Variants in UGT1A7 observed in about 807,000 individuals in gnomAD.
The protein encoded by UGT1A7 is UDP-glucuronosyltransferase 1A7.
Under a neutral mutation model 45.6 loss-of-function variants are expected in UGT1A7, and 33 were observed. That is an observed-to-expected ratio of 0.72 (90% CI 0.55 to 0.97). The LOEUF is 0.97. Ranked by LOEUF, UGT1A7 falls within the 50% of genes least tolerant of loss-of-function variation. The probability of loss-of-function intolerance (pLI) is 0.00; values close to 1 mark genes in which losing one functional copy is unlikely to be tolerated. For synonymous variants in UGT1A7, 274 were observed against 250.6 expected, an observed-to-expected ratio of 1.09 and a Z score of -0.88; for missense variants, 684 against 666.2, an observed-to-expected ratio of 1.03 and a Z score of -0.29.
rs371244037 is a variant in UGT1A7, at chr2:233,706,612, A to G, written c.855+23820A>G. 1.1e-4 allele frequency among the ~76,000 whole-genome samples: 16 copies of G among 152,262 alleles called. No individual in the cohort carries two copies. The East Asian group carries it at 3.1e-3, about 29-fold the overall frequency. Reference sequence around the variant, plus strand: ...GTGGACCTAAGTATGTGATAAGAAGACTAGAGAAATGAGTGTTTCTACTGT... The same window carrying G: ...GTGGACCTAAGTATGTGATAAGAAGGCTAGAGAAATGAGTGTTTCTACTGT... On this transcript the variant is annotated intron_variant, in intron 1 of 4. Transcript: ENST00000373426.
chr2:233,760,473 T>TGAC, intron 1 of UGT1A7: 1 of 1,614,230 alleles, frequency 6.2e-7, no homozygotes, highest in Non-Finnish European at 8.5e-7. Context: ...TCCTAGCACC[T>TGAC]GACGCCTCGT....
intron 1 of UGT1A7, among the ~76,000 whole-genome samples, chr2:233,744,939 T>C (rs1164592780): frequency 6.6e-6 from 1 of 151,916 alleles, no homozygotes; most frequent in Non-Finnish European, 1.5e-5. Context: ...AATGACACAG[T>C]ATTTGTATAT....
At chr2:233,756,741 CCTT>C (rs1339727663) in intron 1 of UGT1A7, among the ~76,000 whole-genome samples, 3 of 152,100 alleles carry the variant, frequency 2.0e-5, no homozygotes, top group African/African-American at 7.2e-5. Context: ...TTCACCTCCT[CCTT>C]ATTCTCTTTT....
intron 1 of UGT1A7, among the ~76,000 whole-genome samples, chr2:233,707,211 T>C (rs1292471081): frequency 6.6e-6 from 1 of 151,794 alleles, no homozygotes; most frequent in East Asian, 1.9e-4. Flanking sequence ...CCTTTCCATC[T>C]TTTCTCTGAC....
intron 1 of UGT1A7, among the ~76,000 whole-genome samples, chr2:233,700,403 C>T (rs1036096204): frequency 2.0e-5 from 3 of 152,080 alleles, no homozygotes; most frequent in Admixed American, 6.5e-5. Flanking sequence ...ATTTTGGCAG[C>T]AGTGTTTCTG....
At chr2:233,737,333 A>G (rs1343218207) in intron 1 of UGT1A7, among the ~76,000 whole-genome samples, 1 of 152,246 alleles carries the variant, frequency 6.6e-6, no homozygotes, top group Non-Finnish European at 1.5e-5. Context: ...AGCAGTGAGC[A>G]AGGCTCCGTG....
intron 1 of UGT1A7, chr2:233,755,051 C>T (rs779353656): frequency 7.5e-6 from 10 of 1,331,260 alleles, no homozygotes; most frequent in East Asian, 4.6e-5. Context: ...AGCCGCCCTC[C>T]GCCCTCGCCT....
chr2:233,755,031 C>A (rs758383518), intron 1 of UGT1A7: 1 of 1,312,808 alleles, frequency 7.6e-7, no homozygotes, highest in East Asian at 4.6e-5. Flanking sequence ...GAAGGGCCTG[C>A]CGCCTGCGCA....
chr2:233,756,734 ACCT>A (rs1246183091), intron 1 of UGT1A7, among the ~76,000 whole-genome samples: 2 of 151,778 alleles, frequency 1.3e-5, no homozygotes, highest in African/African-American at 2.4e-5. Flanking sequence ...AGTTCTCTTC[ACCT>A]CCTCCTTATT....
intron 1 of UGT1A7, among the ~76,000 whole-genome samples, chr2:233,707,806 GAGGGCGTGCATA>G (rs1165429482): frequency 6.6e-6 from 1 of 152,162 alleles, no homozygotes; most frequent in East Asian, 1.9e-4. Context: ...TGCTGCGTTG[GAGGGCGTGCATA>G]TCATTAATTT....
chr2:233,691,177 G>A (rs555934251), intron 1 of UGT1A7: 17 of 985,552 alleles, frequency 1.7e-5, no homozygotes, highest in Non-Finnish European at 2.0e-5. Context: ...ATGTCTGCCT[G>A]CTCAAGAAGG....
rs377333605 is a variant in UGT1A7 at position 233,713,764 on chromosome 2, G to A, written c.855+30972G>A. 2.4e-5 allele frequency: 38 copies of A among 1,613,838 alleles called. No homozygotes were observed. Among genetic ancestry groups the A allele is most frequent in the Middle Eastern group, 3.3e-4 (2 of 6,074 alleles). On this transcript the variant is annotated intron_variant, in intron 1 of 4. Coordinates refer to ENST00000373426, the MANE Select transcript of UGT1A7 (RefSeq NM_019077.3). ...AGCCATGCATCTGTGTGGCTGTTCC[G>A]AGGGGACTTTGTGATGGATTACCCC...
chr2:233,714,809 G>A (rs545646081), intron 1 of UGT1A7, among the ~76,000 whole-genome samples: 102 of 152,292 alleles, frequency 6.7e-4, no homozygotes, highest in Middle Eastern at 3.4e-3. Context: ...ATATTCATAT[G>A]TAGTTAGTGA....
At chr2:233,692,087 A>T (rs2075077184) in intron 1 of UGT1A7, 1 of 152,214 alleles carries the variant, frequency 6.6e-6, no homozygotes, top group Admixed American at 6.5e-5. Flanking sequence ...TTGAAGATTG[A>T]TTTGATCACC....
At chr2:233,709,904 C>T (rs2076096506) in intron 1 of UGT1A7, among the ~76,000 whole-genome samples, 1 of 152,180 alleles carries the variant, frequency 6.6e-6, no homozygotes, top group Non-Finnish European at 1.5e-5. Flanking sequence ...TCTCAGTCAC[C>T]TAATACCTCC....
At chr2:233,756,818 C>T (rs1022493170) in intron 1 of UGT1A7, among the ~76,000 whole-genome samples, 38 of 151,930 alleles carry the variant, frequency 2.5e-4, no homozygotes, top group Admixed American at 5.2e-4. Flanking sequence ...CACTCAATTC[C>T]AAGGGGAAAA....
intron 1 of UGT1A7, among the ~76,000 whole-genome samples, chr2:233,708,247 A>G (rs2076009794): frequency 6.6e-6 from 1 of 152,202 alleles, no homozygotes; most frequent in South Asian, 2.1e-4. Flanking sequence ...ATAAGTGTAC[A>G]CTTTCCTTCA....
intron 1 of UGT1A7, among the ~76,000 whole-genome samples, chr2:233,687,201 G>A (rs1292818698): frequency 6.6e-6 from 1 of 152,100 alleles, no homozygotes; most frequent in African/African-American, 2.4e-5. Context: ...TAATTGGGTG[G>A]GTGATATGCA....
chr2:233,758,786 G>T (rs1696976610), intron 1 of UGT1A7, among the ~76,000 whole-genome samples: 1 of 152,212 alleles, frequency 6.6e-6, no homozygotes, highest in Admixed American at 6.5e-5. Context: ...GATCTGTGCA[G>T]TTATCTTGGA....
Sources: allele counts gnomAD v4.1 joint callset (sites outside exome capture counted in the v4.1 genomes callset), GRCh38; gene constraint gnomAD v4.1.1; transcripts MANE v1.5; gene names NCBI Gene and HGNC (gene_info 2026-07-23, HGNC 2026-07-21).